EXOC8: variants seen among roughly 807,000 people sequenced by gnomAD.
EXOC8 encodes exocyst complex component 8, also known as exocyst complex 84 kDa subunit.
EXOC8 carries 19 observed loss-of-function variants against 50.8 expected under a neutral mutation model. That is an observed-to-expected ratio of 0.37 (90% CI 0.26 to 0.55). The LOEUF is 0.55. Ranked by LOEUF, EXOC8 falls within the 20% of genes least tolerant of loss-of-function variation. The pLI is 0.80. For missense variants in EXOC8, 781 were observed against 915.8 expected (o/e 0.85, Z 1.90); for synonymous variants, 384 against 367.9 (o/e 1.04, Z -0.50).
Position 231,335,825 on chromosome 1 carries a change from T to C in EXOC8, c.1921A>G (p.Met641Val), listed in dbSNP as rs753506933. ...ALKLYFPELHMVLLESLVEII... is the reference protein window; with the variant it reads ...ALKLYFPELHVVLLESLVEII... The stretch of plus-strand genomic sequence containing the variant: ...TCCACCAGGCTCTCCAAAAGTACCA[T>C]GTGCAGCTCTGGGAAATACAGCTTC... Residue 641 changes from methionine to valine, a missense_variant, in exon 1 of 1, where the codon ATG becomes GTG. Transcript: ENST00000366645. 2 of 1,614,144 alleles carry C rather than the reference T, an allele frequency of 1.2e-6. No homozygotes were observed. Among genetic ancestry groups the C allele is most frequent in the Non-Finnish European group, 1.7e-6 (2 of 1,180,024 alleles).
rs1478747843 is a variant in EXOC8 at position 231,337,852 on chromosome 1, T to C, written c.-107A>G. On this transcript the variant is annotated 5_prime_UTR_variant, in exon 1 of 1. Coordinates refer to ENST00000366645, the MANE Select transcript of EXOC8 (RefSeq NM_175876.5). The surrounding 1 kb of genome is among the most constrained non-coding windows in gnomAD (Gnocchi z 5.9). ...AGCTCCTGGGCTGAGGAAGCAGGAA[T>C]GGGAACGAGACGAGTACGCCTGCGC... The C allele has an allele frequency of 1.4e-6, 2 of 1,417,888 alleles. No individual in the cohort carries two copies. The highest frequency in any genetic ancestry group is 2.9e-5 in the African/African-American group (2 of 69,218). 87.8% of individuals were successfully genotyped at this position (1,417,888 alleles called of 1,614,324 possible).
chr1:231,336,759 C>T lies in EXOC8; in HGVS notation c.987G>A (p.Lys329=), dbSNP rs1329679337. Residue 329 remains lysine (K), a synonymous_variant, in exon 1 of 1, where the codon AAG becomes AAA. Transcript: ENST00000366645. This position sits in a 1 kb window ranked among gnomAD's most constrained non-coding sequence, Gnocchi z 5.4. The part of the protein sequence containing the change: ...EPAVPEVEEE[K]VDLSMEWIQE... ...GGATCCATTCCATGGAGAGGTCCAC[C>T]TTCTCTTCCTCTACCTCAGGAACAG... is the stretch of plus-strand genomic sequence containing the variant. The T allele has an allele frequency of 1.9e-6, 3 of 1,614,108 alleles. No homozygotes were observed. In the African/African-American group the frequency reaches 4.0e-5, roughly 22 times the overall value.
rs760671960 is a variant in EXOC8 at position 231,337,762 on chromosome 1, C to G, written c.-17G>C. On this transcript the variant is annotated 5_prime_UTR_variant, in exon 1 of 1. Coordinates refer to ENST00000366645, the MANE Select transcript of EXOC8 (RefSeq NM_175876.5). This position sits in a 1 kb window ranked among gnomAD's most constrained non-coding sequence, Gnocchi z 5.9. ...CATCGCCATTTCTCTCCGGGTCTCA[C>G]GCACTCACTGTCACTATCGGCGCCG... The G allele has an allele frequency of 1.3e-6, 2 of 1,580,684 alleles. No individual in the cohort carries two copies. Among genetic ancestry groups the G allele is most frequent in the African/African-American group, 2.7e-5 (2 of 73,834 alleles).
Position 231,335,308 on chromosome 1 carries a change from A to C in EXOC8, c.*260T>G, listed in dbSNP as rs1686642535. The stretch of plus-strand genomic sequence containing the variant: ...CCGAAATGCTATAGTATATAGTGTG[A>C]CCATAATTTCAGAAGAAGAGAATTA... On this transcript the variant is annotated 3_prime_UTR_variant, in exon 1 of 1. Coordinates refer to ENST00000366645, the MANE Select transcript of EXOC8 (RefSeq NM_175876.5). The C allele has an allele frequency of 3.7e-6, 1 of 271,494 alleles. No homozygotes were observed. The highest frequency in any genetic ancestry group is 6.8e-6 in the Non-Finnish European group (1 of 147,846). 16.8% of individuals were successfully genotyped at this position (271,494 alleles called of 1,614,324 possible). A position where few individuals can be genotyped will look rare whatever the true frequency, so the allele number is the denominator to read the frequency against.
Position 231,337,480 on chromosome 1 carries a change from T to A in EXOC8, c.266A>T (p.His89Leu). The change falls in exon 1 of 1, where the codon CAT becomes CTT. Residue 89 changes from histidine to leucine, a missense_variant. By Grantham distance (99) the His-to-Leu change is moderately conservative. Transcript: ENST00000366645. The surrounding 1 kb of genome is among the most constrained non-coding windows in gnomAD (Gnocchi z 5.9). ...YLESEMYQLS[H>L]LLTEQKSSLE... ...GCTGCTTTTCTGCTCGGTCAGCAAATGGCTGAGCTGGTACATCTCGCTCTC... is the reference window on the plus strand; with the variant it reads ...GCTGCTTTTCTGCTCGGTCAGCAAAAGGCTGAGCTGGTACATCTCGCTCTC... 1 of 1,612,722 alleles carries A rather than the reference T, an allele frequency of 6.2e-7. No individual in the cohort carries two copies. Among genetic ancestry groups the A allele is most frequent in the South Asian group, 1.1e-5 (1 of 91,048 alleles).
At position 231,337,246 on chromosome 1, in the gene EXOC8, T is replaced by C. The variant is rs1686701067; in HGVS notation, c.500A>G (p.Glu167Gly). The C allele has an allele frequency of 6.2e-7, 1 of 1,612,066 alleles. No individual in the cohort carries two copies. The highest frequency in any genetic ancestry group is 8.5e-7 in the Non-Finnish European group (1 of 1,179,994). ...CAGATGCCTGCAGCCTTCCACCTTC[T>C]CAAGCAGGGTGGTGAGAGTGCGCTG... ...GKQRTLTTLL[E>G]KVEGCRHLLE... Residue 167 changes from glutamate to glycine, a missense_variant, in exon 1 of 1, where the codon GAG (glutamate) becomes GGG (glycine). This residue lies in a region of EXOC8 where 700 missense variants were observed against 804.1 expected (regional missense o/e 0.87). Transcript: ENST00000366645. This position sits in a 1 kb window ranked among gnomAD's most constrained non-coding sequence, Gnocchi z 5.9.
At position 231,335,610 on chromosome 1, in the gene EXOC8, T is replaced by A; in HGVS notation, c.2136A>T (p.Arg712Ser). The change falls in exon 1 of 1, where the codon AGA (arginine) becomes AGT (serine). Residue 712 changes from arginine (R) to serine (S), a missense_variant. Physicochemically the swap from Arg to Ser is moderately radical, Grantham distance 110. This residue lies in a region of EXOC8 where 79 missense variants were observed against 95.3 expected (regional missense o/e 0.83). Transcript: ENST00000366645. ...TACTTTCAGGATTCACACGAATAAG[T>A]CTAGATGCATTCCTCAGATCTTGGA... ...KQLQDLRNAS[R>S]LIRVNPESTT... The A allele has an allele frequency of 6.2e-7, 1 of 1,613,664 alleles. No individual in the cohort carries two copies. Among genetic ancestry groups the A allele is most frequent in the Non-Finnish European group, 8.5e-7 (1 of 1,179,710 alleles).
chr1:231,337,197 C>G lies in EXOC8; in HGVS notation c.549G>C (p.Leu183Phe). ...ATTCCACTAGGTCCCCATTGTACAC[C>G]AAGTACTGTCCCGGCGTCTCCAGCA... ...RHLLETPGQY[L>F]VYNGDLVEYD... The change falls in exon 1 of 1, where the codon TTG becomes TTC. Residue 183 changes from leucine to phenylalanine, a missense_variant. Transcript: ENST00000366645. This position sits in a 1 kb window ranked among gnomAD's most constrained non-coding sequence, Gnocchi z 5.9. The G allele has an allele frequency of 6.2e-7, 1 of 1,614,040 alleles. No homozygotes were observed. The highest frequency in any genetic ancestry group is 8.5e-7 in the Non-Finnish European group (1 of 1,180,012).
rs1686621580 is a variant in EXOC8 at position 231,334,384 on chromosome 1, T to C, written c.*1184A>G. The C allele has an allele frequency of 1.3e-5, 2 of 152,212 alleles. No individual in the cohort carries two copies. Among genetic ancestry groups the C allele is most frequent in the Admixed American group, 1.3e-4 (2 of 15,282 alleles). The allele number at this position is 152,212 out of a possible 1,614,324, so 9.4% of individuals were successfully genotyped here. The stretch of plus-strand genomic sequence containing the variant: ...CTGAAATCTAAATAAATATTTCAGT[T>C]AAAACTTTTTTTCCATTTGCATGAA... On this transcript the variant is annotated 3_prime_UTR_variant, in exon 1 of 1. Coordinates refer to ENST00000366645, the MANE Select transcript of EXOC8 (RefSeq NM_175876.5).
chr1:231,334,618 A>G lies in EXOC8; in HGVS notation c.*950T>C, dbSNP rs1686626196. ...GTTGAAAACTTTTATTATAGTCCTT[A>G]GGATTTCCAAGTAAATGCTCCCAAA... On this transcript the variant is annotated 3_prime_UTR_variant, in exon 1 of 1. Transcript: ENST00000366645. The G allele has an allele frequency of 6.6e-6, 1 of 152,258 alleles. No individual in the cohort carries two copies. The highest frequency in any genetic ancestry group is 1.5e-5 in the Non-Finnish European group (1 of 68,034). The allele number at this position is 152,258 out of a possible 1,614,324, so 9.4% of individuals were successfully genotyped here. A position where few individuals can be genotyped will look rare whatever the true frequency, so the allele number is the denominator to read the frequency against.
Position 231,337,410 on chromosome 1 carries a change from G to A in EXOC8, c.336C>T (p.Ala112=), listed in dbSNP as rs74582982. ...PLTLLPAAAA[A]GAAAASGGEE... is the part of the protein sequence containing the mutation. Reference sequence around the variant, plus strand: ...CCCCTCCAGAGGCGGCGGCGGCTCCGGCGGCAGCAGCGGCAGGCAGCAACG... The same window carrying A: ...CCCCTCCAGAGGCGGCGGCGGCTCCAGCGGCAGCAGCGGCAGGCAGCAACG... Residue 112 remains alanine (A), a synonymous_variant, in exon 1 of 1, where the codon GCC becomes GCT. Transcript: ENST00000366645. The surrounding 1 kb of genome is among the most constrained non-coding windows in gnomAD (Gnocchi z 5.9). The A allele has an allele frequency of 1.2e-6, 2 of 1,605,772 alleles. No individual in the cohort carries two copies. Among genetic ancestry groups the A allele is most frequent in the African/African-American group, 2.7e-5 (2 of 75,034 alleles).
In EXOC8 at chr1:231,336,180, TAC is replaced by T; in HGVS notation, c.1564_1565del (p.Val522LysfsTer4). 1.2e-6 allele frequency: 2 copies of T among 1,614,190 alleles called. No homozygotes were observed. Among genetic ancestry groups the T allele is most frequent in the Non-Finnish European group, 1.7e-6 (2 of 1,180,026 alleles). On this transcript the variant is annotated frameshift_variant, in exon 1 of 1. Transcript: ENST00000366645. LOFTEE classifies it high-confidence loss of function. This position sits in a 1 kb window ranked among gnomAD's most constrained non-coding sequence, Gnocchi z 5.4. ...KESLSTAAEC[V>X]KVAKEHCQQL... ...GCTGGCAATGCTCCTTAGCCACTTT[TAC>T]ACACTCAGCTGCTGTAGAGAGGCTC...
chr1:231,334,930 T>A lies in EXOC8; in HGVS notation c.*638A>T, dbSNP rs1686631265. 1 of 152,248 alleles carries A rather than the reference T, an allele frequency of 6.6e-6. No homozygotes were observed. The highest frequency in any genetic ancestry group is 1.5e-5 in the Non-Finnish European group (1 of 68,040). The allele number at this position is 152,248 out of a possible 1,614,324, so 9.4% of individuals were successfully genotyped here. A position where few individuals can be genotyped will look rare whatever the true frequency, so the allele number is the denominator to read the frequency against. ...ACGGCACTGTACCCTTTAGGAAACC[T>A]AACATTTCAGTGAACTGGGAAACTT... On this transcript the variant is annotated 3_prime_UTR_variant, in exon 1 of 1. Coordinates refer to ENST00000366645, the MANE Select transcript of EXOC8 (RefSeq NM_175876.5).
chr1:231,336,584 G>C lies in EXOC8; in HGVS notation c.1162C>G (p.Arg388Gly). ...ELRAKVEERV[R>G]QLTEVLVFEL... ...AAAACTAGCACCTCAGTGAGCTGTC[G>C]AACTCGCTCCTCCACTTTGGCCCTT... Residue 388 changes from arginine to glycine, a missense_variant, in exon 1 of 1, where the codon CGA (arginine) becomes GGA (glycine). By Grantham distance (125) the Arg-to-Gly change is moderately radical (BLOSUM62 -2). This residue lies in a region of EXOC8 where 700 missense variants were observed against 804.1 expected (regional missense o/e 0.87). Coordinates refer to ENST00000366645, the MANE Select transcript of EXOC8 (RefSeq NM_175876.5). The surrounding 1 kb of genome is among the most constrained non-coding windows in gnomAD (Gnocchi z 5.4). The C allele has an allele frequency of 1.2e-6, 2 of 1,614,138 alleles. No homozygotes were observed. Among genetic ancestry groups the C allele is most frequent in the South Asian group, 1.1e-5 (1 of 91,082 alleles).
At position 231,333,728 on chromosome 1, in the gene EXOC8, A is replaced by C. The variant is rs541576246; in HGVS notation, c.*1840T>G. On this transcript the variant is annotated 3_prime_UTR_variant, in exon 1 of 1. Coordinates refer to ENST00000366645, the MANE Select transcript of EXOC8 (RefSeq NM_175876.5). ...AAAGTTATGTGAAAAAAATTAGTCA[A>C]AGAAAATCTGTAAATCTGATACTTT... The C allele has an allele frequency of 2.6e-5, 4 of 152,784 alleles. No individual in the cohort carries two copies. Among genetic ancestry groups the C allele is most frequent in the East Asian group, 3.9e-4 (2 of 5,194 alleles). The allele number at this position is 152,784 out of a possible 1,614,324, so 9.5% of individuals were successfully genotyped here. A position where few individuals can be genotyped will look rare whatever the true frequency, so the allele number is the denominator to read the frequency against.
Position 231,336,645 on chromosome 1 carries a change from C to G in EXOC8, c.1101G>C (p.Leu367=), listed in dbSNP as rs750498559. ...VDLLDKLNHY[L]EDKPSPPPVK... is the part of the protein sequence containing the mutation. Reference sequence around the variant, plus strand: ...CAGGAGGTGGGCTAGGTTTATCTTCCAGGTAATGGTTCAATTTATCCAGCA... The same window carrying G: ...CAGGAGGTGGGCTAGGTTTATCTTCGAGGTAATGGTTCAATTTATCCAGCA... The change falls in exon 1 of 1, where the codon CTG becomes CTC. Residue 367 remains leucine (L), a synonymous_variant. Transcript: ENST00000366645. This position sits in a 1 kb window ranked among gnomAD's most constrained non-coding sequence, Gnocchi z 5.4. The G allele has an allele frequency of 3.7e-6, 6 of 1,614,154 alleles. 1 individual carries two copies. In the South Asian group the frequency reaches 6.6e-5, roughly 18 times the overall value.
Position 231,336,782 on chromosome 1 carries a change from C to A in EXOC8, c.964G>T (p.Val322Phe), listed in dbSNP as rs1347888625. The change falls in exon 1 of 1, where the codon GTT (valine) becomes TTT (phenylalanine). Residue 322 changes from valine (V) to phenylalanine (F), a missense_variant. Around this residue, in one of 3 missense-constraint regions of EXOC8, gnomAD observed 700 missense variants for 804.1 expected, o/e 0.87. Coordinates refer to ENST00000366645, the MANE Select transcript of EXOC8 (RefSeq NM_175876.5). This position sits in a 1 kb window ranked among gnomAD's most constrained non-coding sequence, Gnocchi z 5.4. ...ACCTTCTCTTCCTCTACCTCAGGAACAGCTGGTTCTTCTTCTTCGTCATCC... is the reference window on the plus strand; with the variant it reads ...ACCTTCTCTTCCTCTACCTCAGGAAAAGCTGGTTCTTCTTCTTCGTCATCC... The part of the protein sequence containing the change: ...FEDDEEEEPA[V>F]PEVEEEKVDL... 6.2e-7 allele frequency: 1 copy of A among 1,614,178 alleles called. No homozygotes were observed. The highest frequency in any genetic ancestry group is 1.1e-5 in the South Asian group (1 of 91,086).
rs1686644167 is a variant in EXOC8, at chr1:231,335,418, CCT to C, written c.*148_*149del. 5.8e-6 allele frequency: 4 copies of C among 684,752 alleles called. No homozygotes were observed. Among genetic ancestry groups the C allele is most frequent in the Non-Finnish European group, 8.4e-6 (4 of 478,170 alleles). 42.4% of individuals were successfully genotyped at this position (684,752 alleles called of 1,614,324 possible). The stretch of plus-strand genomic sequence containing the variant: ...ACTTGGGCTTAATTTAACTTATTTT[CCT>C]CTTTTTGATTTTTGTATTTTTAAGA... On this transcript the variant is annotated 3_prime_UTR_variant, in exon 1 of 1. Coordinates refer to ENST00000366645, the MANE Select transcript of EXOC8 (RefSeq NM_175876.5).
Position 231,336,641 on chromosome 1 carries a change from C to A in EXOC8, c.1105G>T (p.Asp369Tyr), listed in dbSNP as rs776653782. ...TTTACAGGAGGTGGGCTAGGTTTAT[C>A]TTCCAGGTAATGGTTCAATTTATCC... The part of the protein sequence containing the change: ...LLDKLNHYLE[D>Y]KPSPPPVKEL... The change falls in exon 1 of 1, where the codon GAT (aspartate) becomes TAT (tyrosine). Residue 369 changes from aspartate to tyrosine, a missense_variant. Asp to Tyr is a radical substitution (Grantham distance 160). This residue lies in a region of EXOC8 where 700 missense variants were observed against 804.1 expected (regional missense o/e 0.87). Transcript: ENST00000366645. The surrounding 1 kb of genome is among the most constrained non-coding windows in gnomAD (Gnocchi z 5.4). The A allele has an allele frequency of 5.6e-6, 9 of 1,614,100 alleles. No homozygotes were observed. The Admixed American group carries it at 6.7e-5, about 12-fold the overall frequency.
Sources: gnomAD v4.1 joint callset for allele counts on GRCh38, gnomAD v4.1.1 for gene constraint, gnomAD v4.1.1 regional missense constraint, Gnocchi (gnomAD v3.1) non-coding constraint, MANE v1.5 for transcripts, NCBI Gene and HGNC (gene_info 2026-07-23, HGNC 2026-07-21) for gene names.